The following EDAR variants were observed in gnomAD, a reference collection of about 807,000 sequenced individuals.
EDAR encodes the protein ectodysplasin A receptor.
Under a neutral mutation model 51.3 loss-of-function variants are expected in EDAR, and 38 were observed. That is an observed-to-expected ratio of 0.74 (90% CI 0.57 to 0.97). The LOEUF is 0.97. Ranked by LOEUF, EDAR falls within the 50% of genes least tolerant of loss-of-function variation. EDAR has a pLI of 0.00. For synonymous variants in EDAR, 227 were observed against 242.1 expected, an observed-to-expected ratio of 0.94 and a Z score of 0.58; for missense variants, 528 against 595.0, an observed-to-expected ratio of 0.89 and a Z score of 1.17.
chr2:108,906,478 C>A (rs542361881), intron 10 of EDAR, 110 bp from the exon 11 acceptor site: 4 of 1,105,024 alleles, frequency 3.6e-6, no homozygotes, highest in Non-Finnish European at 5.5e-6. Flanking sequence ...ACACCAGAGA[C>A]GCTGCACACA....
At position 108,955,189 on chromosome 2, in the gene EDAR, C is replaced by T. The variant is rs1045132338; in HGVS notation, c.-18-24157G>A. Among the ~76,000 whole-genome samples, 8 of 152,148 alleles carry T rather than the reference C, an allele frequency of 5.3e-5. No homozygotes were observed. In the South Asian group the frequency reaches 8.3e-4, roughly 16 times the overall value. On this transcript the variant is annotated intron_variant, in intron 1 of 11. Coordinates refer to ENST00000258443, the MANE Select transcript of EDAR (RefSeq NM_022336.4). Reference sequence around the variant, plus strand: ...TGGGCAAGTAATCTAAATGTCTGTGCCTTGGTTGTCTCATCAGTAAAATTA... The same window carrying T: ...TGGGCAAGTAATCTAAATGTCTGTGTCTTGGTTGTCTCATCAGTAAAATTA...
In EDAR at chr2:108,908,285, T is replaced by G. The variant is rs260635; in HGVS notation, c.804-266A>C. ...CTAAGGGGCTGGGGCTGCCACTGCGTGTGGGAGGCATCCACGGGCCTCTCC... is the reference window on the plus strand; with the variant it reads ...CTAAGGGGCTGGGGCTGCCACTGCGGGTGGGAGGCATCCACGGGCCTCTCC... On this transcript the variant is annotated intron_variant, in intron 9 of 11. Transcript: ENST00000258443. Among the ~76,000 whole-genome samples the G allele has an allele frequency of 0.91, 139,056 of 152,150 alleles. 63,617 individuals are homozygous for G. Among genetic ancestry groups the G allele is most frequent in the East Asian group, 1 (5,139 of 5,156 alleles).
chr2:108,949,716 T>G (rs1190860901), intron 1 of EDAR, among the ~76,000 whole-genome samples: 2 of 152,222 alleles, frequency 1.3e-5, no homozygotes, highest in East Asian at 3.8e-4. Flanking sequence ...ACCCCAGTCC[T>G]GTGTGCCATA....
intron 1 of EDAR, among the ~76,000 whole-genome samples, chr2:108,982,335 T>C (rs1403460085): frequency 6.6e-6 from 1 of 152,168 alleles, no homozygotes; most frequent in Non-Finnish European, 1.5e-5. Flanking sequence ...CCTCAGACCC[T>C]CCCTGGTGGG....
At chr2:108,925,498 T>C (rs1228076005) in intron 4 of EDAR, among the ~76,000 whole-genome samples, 1 of 152,228 alleles carries the variant, frequency 6.6e-6, no homozygotes, top group African/African-American at 2.4e-5. Context: ...GTCTTTGACT[T>C]GTCCTGGGCA....
At chr2:108,898,097 CA>C (rs1353706697) in intron 11 of EDAR, among the ~76,000 whole-genome samples, 1 of 152,190 alleles carries the variant, frequency 6.6e-6, no homozygotes, top group African/African-American at 2.4e-5. Context: ...GCCTAGCAAG[CA>C]TAAAACATTT....
chr2:108,954,463 C>T (rs951876407), intron 1 of EDAR, among the ~76,000 whole-genome samples: 1 of 152,176 alleles, frequency 6.6e-6, no homozygotes, highest in African/African-American at 2.4e-5. Context: ...TATGTGGCCA[C>T]CAGTCCTGAA....
chr2:108,962,522 A>G (rs570317432), intron 1 of EDAR, among the ~76,000 whole-genome samples: 1 of 151,960 alleles, frequency 6.6e-6, no homozygotes, highest in Middle Eastern at 3.4e-3. Flanking sequence ...AAATACAAAA[A>G]AAATTAGCCG....
chr2:108,974,674 G>A (rs1360408334), intron 1 of EDAR, among the ~76,000 whole-genome samples: 3 of 152,064 alleles, frequency 2.0e-5, no homozygotes, highest in Non-Finnish European at 2.9e-5. Context: ...AGGTTTCAGT[G>A]AGCCGAGATA....
intron 1 of EDAR, among the ~76,000 whole-genome samples, chr2:108,974,501 G>A (rs7560650): frequency 0.18 from 27,042 of 151,808 alleles, 2,682 homozygotes; most frequent in Middle Eastern, 0.27. Flanking sequence ...GGAGGCCAAG[G>A]GGGGTGGATC....
chr2:108,925,089 C>T (rs899577838), intron 4 of EDAR, among the ~76,000 whole-genome samples: 2 of 152,252 alleles, frequency 1.3e-5, no homozygotes, highest in South Asian at 4.1e-4. Flanking sequence ...GGGGATTGGT[C>T]CCGCTCCTGG....
chr2:108,905,130 G>A (rs1696776587), intron 11 of EDAR, among the ~76,000 whole-genome samples: 1 of 152,190 alleles, frequency 6.6e-6, no homozygotes, highest in Admixed American at 6.5e-5. Flanking sequence ...GGCAGATTGG[G>A]TGGGCTGGAT....
At chr2:108,959,068 C>A (rs575205456) in intron 1 of EDAR, among the ~76,000 whole-genome samples, 17 of 152,302 alleles carry the variant, frequency 1.1e-4, no homozygotes, top group Non-Finnish European at 1.6e-4. Context: ...TGGGTTAGAG[C>A]CAGAAAAACG....
rs2105394216 is a variant in EDAR at position 108,907,997 on chromosome 2, T to C, written c.826A>G (p.Asn276Asp). The part of the protein sequence containing the change: ...TKSENDASSE[N>D]EQLLSRSVDS... ...ACGCTCCGGCTCAGCAGCTGCTCATTCTCGGATGAGGCATCGTTCTCGCTG... is the reference window on the plus strand; with the variant it reads ...ACGCTCCGGCTCAGCAGCTGCTCATCCTCGGATGAGGCATCGTTCTCGCTG... Residue 276 changes from asparagine to aspartate, a missense_variant, in exon 10 of 12, where the codon AAT becomes GAT. By Grantham distance (23) the Asn-to-Asp change is conservative. Transcript: ENST00000258443. The C allele has an allele frequency of 1.2e-6, 2 of 1,610,306 alleles. No homozygotes were observed. Among genetic ancestry groups the C allele is most frequent in the Non-Finnish European group, 1.7e-6 (2 of 1,177,050 alleles).
At chr2:108,924,116 G>A (rs1483939616) in intron 4 of EDAR, among the ~76,000 whole-genome samples, 1 of 152,266 alleles carries the variant, frequency 6.6e-6, no homozygotes, top group Non-Finnish European at 1.5e-5. Flanking sequence ...CGCTGGGGCT[G>A]CACACACAGT....
chr2:108,973,350 CAG>C (rs1255696125), intron 1 of EDAR, among the ~76,000 whole-genome samples: 1 of 152,190 alleles, frequency 6.6e-6, no homozygotes, highest in African/African-American at 2.4e-5. Flanking sequence ...GAAGCTGACT[CAG>C]GGGGCTGGCT....
intron 1 of EDAR, among the ~76,000 whole-genome samples, chr2:108,974,666 G>C (rs2104452706): frequency 6.6e-6 from 1 of 152,002 alleles, no homozygotes; most frequent in South Asian, 2.1e-4. Context: ...GCAGGCGAAG[G>C]TTTCAGTGAG....
chr2:108,956,104 C>T (rs775336550), intron 1 of EDAR, among the ~76,000 whole-genome samples: 1 of 152,140 alleles, frequency 6.6e-6, no homozygotes, highest in Non-Finnish European at 1.5e-5. Context: ...GTTTCATTCC[C>T]TATTGTCTTA....
chr2:108,962,058 T>C (rs1409788726), intron 1 of EDAR, among the ~76,000 whole-genome samples: 1 of 152,228 alleles, frequency 6.6e-6, no homozygotes, highest in Non-Finnish European at 1.5e-5. Flanking sequence ...GAGAGACTTT[T>C]TTCCCTGTGT....
Sources: allele counts gnomAD v4.1 joint callset (sites outside exome capture counted in the v4.1 genomes callset), GRCh38; gene constraint gnomAD v4.1.1; transcripts MANE v1.5; gene names NCBI Gene and HGNC (gene_info 2026-07-23, HGNC 2026-07-21).